Variants in CORIN observed in about 807,000 individuals in gnomAD.
CORIN encodes the protein corin, serine peptidase, also known as atrial natriuretic peptide-converting enzyme.
Under a neutral mutation model 125.3 loss-of-function variants are expected in CORIN, and 117 were observed. That is an observed-to-expected ratio of 0.93 (90% confidence interval 0.80 to 1.09). The LOEUF (loss-of-function observed/expected upper bound fraction) is 1.09. CORIN is among the 50% of genes least tolerant of loss of function. CORIN has a pLI of 0.00. For synonymous variants in CORIN, 450 were observed against 466.4 expected (o/e 0.96, Z 0.45); for missense variants, 1,253 against 1,306.7 (o/e 0.96, Z 0.63).
At chr4:47,792,832 A>G (rs951810018) in intron 2 of CORIN, among the ~76,000 whole-genome samples, 13 of 152,324 alleles carry the variant, frequency 8.5e-5, no homozygotes, top group South Asian at 2.1e-4. Context: ...TAGTTCATCA[A>G]TTTGGACCCT....
chr4:47,686,801 T>C (rs1489392658), intron 6 of CORIN, among the ~76,000 whole-genome samples: 2 of 152,162 alleles, frequency 1.3e-5, no homozygotes, highest in African/African-American at 2.4e-5. Flanking sequence ...CAGCACAATT[T>C]AAACCCTAGG....
intron 5 of CORIN, among the ~76,000 whole-genome samples, chr4:47,718,079 C>T (rs557298498): frequency 6.6e-6 from 1 of 152,316 alleles, no homozygotes; most frequent in East Asian, 1.9e-4. Context: ...AGGCAGAACA[C>T]AAGCCATCTG....
chr4:47,726,455 A>G (rs1233240316), intron 5 of CORIN, among the ~76,000 whole-genome samples: 4 of 152,130 alleles, frequency 2.6e-5, no homozygotes, highest in African/African-American at 4.8e-5. Context: ...TCAAAAGGGA[A>G]TATACTGTAT....
intron 5 of CORIN, among the ~76,000 whole-genome samples, chr4:47,718,762 A>C (rs1429905477): frequency 3.3e-5 from 5 of 152,194 alleles, no homozygotes; most frequent in Admixed American, 3.3e-4. Context: ...TCAACACTAC[A>C]GAGGAAAAAC....
rs767572827 is a variant in CORIN at position 47,837,995 on chromosome 4, G to T, written c.-46C>A. On this transcript the variant is annotated 5_prime_UTR_variant, in exon 1 of 22. Coordinates refer to ENST00000273857, the MANE Select transcript of CORIN (RefSeq NM_006587.4). ...TCTTCTGTCCACTTTTATCTTGGTC[G>T]CTTTTCTCTCCTCTACGTGTCCCCC... 3 of 1,604,786 alleles carry T rather than the reference G, an allele frequency of 1.9e-6. No homozygotes were observed. Among genetic ancestry groups the T allele is most frequent in the Non-Finnish European group, 2.5e-6 (3 of 1,179,646 alleles).
At chr4:47,815,023 A>G (rs1732206190) in intron 1 of CORIN, among the ~76,000 whole-genome samples, 1 of 152,280 alleles carries the variant, frequency 6.6e-6, no homozygotes, top group South Asian at 2.1e-4. Flanking sequence ...ACCATATAAC[A>G]TTAGTGTTTC....
At chr4:47,761,981 T>C (rs751563649) in intron 4 of CORIN, among the ~76,000 whole-genome samples, 1 of 151,998 alleles carries the variant, frequency 6.6e-6, no homozygotes, top group Non-Finnish European at 1.5e-5. Flanking sequence ...TGTATATATA[T>C]ACACACAAAT....
At chr4:47,786,948 A>C (rs1385516270) in intron 2 of CORIN, 23 bp from the exon 3 acceptor site, 2 of 1,511,052 alleles carry the variant, frequency 1.3e-6, no homozygotes, top group African/African-American at 1.4e-5. Flanking sequence ...AACAAACACA[A>C]AAAAAACCTA....
intron 1 of CORIN, among the ~76,000 whole-genome samples, chr4:47,810,578 G>A (rs981119881): frequency 1.3e-5 from 2 of 152,170 alleles, no homozygotes; most frequent in Non-Finnish European, 2.9e-5. Context: ...TACCACAAGT[G>A]TATGCTATCT....
intron 2 of CORIN, among the ~76,000 whole-genome samples, chr4:47,801,580 C>T (rs1731542067): frequency 6.6e-6 from 1 of 152,218 alleles, no homozygotes; most frequent in Non-Finnish European, 1.5e-5. Context: ...CTCTCCCATC[C>T]CCCAGCAGTA....
chr4:47,817,493 C>A (rs1428571633), intron 1 of CORIN, among the ~76,000 whole-genome samples: 1 of 152,108 alleles, frequency 6.6e-6, no homozygotes, highest in Non-Finnish European at 1.5e-5. Flanking sequence ...ACAGTCTCTG[C>A]AGCCTATGCC....
At chr4:47,730,365 C>T (rs1373948722) in intron 5 of CORIN, among the ~76,000 whole-genome samples, 5 of 148,646 alleles carry the variant, frequency 3.4e-5, no homozygotes, top group South Asian at 2.1e-4. Flanking sequence ...CCTAGCTACT[C>T]GGGAGGCTGA....
chr4:47,624,606 G>A (rs1722475988), intron 17 of CORIN, among the ~76,000 whole-genome samples: 1 of 152,096 alleles, frequency 6.6e-6, no homozygotes, highest in Non-Finnish European at 1.5e-5. Flanking sequence ...AGAACTAGTA[G>A]GTGCAATTTA....
chr4:47,812,837 A>G (rs145239803), intron 1 of CORIN, among the ~76,000 whole-genome samples: 2 of 152,366 alleles, frequency 1.3e-5, no homozygotes, highest in African/African-American at 4.8e-5. Context: ...GAATTAATTA[A>G]ATTTCCTAAA....
intron 12 of CORIN, among the ~76,000 whole-genome samples, chr4:47,657,098 G>A (rs548338640): frequency 1.3e-5 from 2 of 152,224 alleles, no homozygotes; most frequent in East Asian, 1.9e-4. Flanking sequence ...TCTCTGTGAT[G>A]AAAACCATAA....
chr4:47,694,937 A>G (rs1009485077), intron 5 of CORIN, among the ~76,000 whole-genome samples: 6 of 152,250 alleles, frequency 3.9e-5, no homozygotes, highest in Admixed American at 6.5e-5. Context: ...GCATTAGTTG[A>G]TCTGGTAAGT....
intron 16 of CORIN, among the ~76,000 whole-genome samples, chr4:47,627,699 A>G (rs955732593): frequency 6.6e-6 from 1 of 152,206 alleles, no homozygotes. Context: ...GAGGCCACAC[A>G]TACTGGTCAT....
chr4:47,618,690 G>C (rs1456401379), intron 19 of CORIN, among the ~76,000 whole-genome samples: 1 of 151,960 alleles, frequency 6.6e-6, no homozygotes, highest in Non-Finnish European at 1.5e-5. Flanking sequence ...ATGGTGGTGG[G>C]CACCTGCAGT....
intron 2 of CORIN, among the ~76,000 whole-genome samples, chr4:47,798,997 G>A (rs1731412809): frequency 6.6e-6 from 1 of 151,964 alleles, no homozygotes; most frequent in Admixed American, 6.6e-5. Flanking sequence ...GTGGTATTTG[G>A]TTCTCTGTTC....
Sources: allele counts gnomAD v4.1 joint callset (sites outside exome capture counted in the v4.1 genomes callset), GRCh38; gene constraint gnomAD v4.1.1; transcripts MANE v1.5; gene names NCBI Gene and HGNC (gene_info 2026-07-23, HGNC 2026-07-21).